MCTP2: variants seen among roughly 807,000 people sequenced by gnomAD.
MCTP2 encodes the protein multiple C2 and transmembrane domain containing 2, also known as multiple C2 and transmembrane domain-containing protein 2.
Under a neutral mutation model 111.6 loss-of-function variants are expected in MCTP2, and 132 were observed. The ratio of observed to expected loss-of-function variants is 1.18; its 90% CI spans 1.03 to 1.37. The LOEUF (loss-of-function observed/expected upper bound fraction) is 1.37, where lower values mean the gene tolerates loss of function less well. MCTP2 is among the 40% of genes most tolerant of loss of function. The probability of loss-of-function intolerance (pLI) is 0.00; values close to 1 mark genes in which losing one functional copy is unlikely to be tolerated. For synonymous variants in MCTP2, 395 were observed against 387.7 expected (o/e 1.02, Z -0.22); for missense variants, 1,183 against 1,067.9 (o/e 1.11, Z -1.50).
intron 1 of MCTP2, among the ~76,000 whole-genome samples, chr15:94,246,761 G>T (rs1185966508): frequency 6.6e-6 from 1 of 152,198 alleles, no homozygotes; most frequent in Non-Finnish European, 1.5e-5. Context: ...AATTTAAGCT[G>T]TCACATGATA....
intron 1 of MCTP2, among the ~76,000 whole-genome samples, chr15:94,235,912 C>T (rs1035617043): frequency 6.6e-5 from 10 of 152,152 alleles, no homozygotes; most frequent in African/African-American, 2.4e-4. Flanking sequence ...GTTTAACAAT[C>T]GTAGTCATTT....
chr15:94,337,491 C>T (rs78731549), intron 4 of MCTP2, among the ~76,000 whole-genome samples: 3 of 151,666 alleles, frequency 2.0e-5, no homozygotes, highest in Admixed American at 6.6e-5. Flanking sequence ...ATAGTTTTCC[C>T]CCACTTTTTT....
chr15:94,423,951 T>G (rs2082749929), intron 17 of MCTP2, among the ~76,000 whole-genome samples: 1 of 152,196 alleles, frequency 6.6e-6, no homozygotes, highest in South Asian at 2.1e-4. Flanking sequence ...AACTGAACAT[T>G]TTTTGAAGTT....
At chr15:94,454,613 A>G (rs116428034) in intron 19 of MCTP2, among the ~76,000 whole-genome samples, 3 of 146,034 alleles carry the variant, frequency 2.1e-5, no homozygotes, top group African/African-American at 7.7e-5. Context: ...AAAAAAAAAA[A>G]CCCTAAATTA....
intron 1 of MCTP2, among the ~76,000 whole-genome samples, chr15:94,259,763 AT>A (rs1448373784): frequency 6.6e-6 from 1 of 152,196 alleles, no homozygotes; most frequent in Admixed American, 6.5e-5. Context: ...CTGTATGATC[AT>A]TTGGTGAAGG....
intron 12 of MCTP2, among the ~76,000 whole-genome samples, chr15:94,377,839 G>T (rs1049068380): frequency 9.9e-5 from 15 of 152,106 alleles, no homozygotes; most frequent in Non-Finnish European, 7.4e-5. Flanking sequence ...ATAGAGACAT[G>T]AGAGAGAGTT....
chr15:94,473,006 AT>A (rs1567789530), intron 21 of MCTP2, among the ~76,000 whole-genome samples: 1 of 152,086 alleles, frequency 6.6e-6, no homozygotes, highest in Non-Finnish European at 1.5e-5. Flanking sequence ...TTACTTATTC[AT>A]TTTTTATTGA....
At chr15:94,407,799 A>G (rs1341022552) in intron 17 of MCTP2, among the ~76,000 whole-genome samples, 1 of 151,648 alleles carries the variant, frequency 6.6e-6, no homozygotes, top group Non-Finnish European at 1.5e-5. Flanking sequence ...ACACACACAC[A>G]CACACACACA....
intron 1 of MCTP2, among the ~76,000 whole-genome samples, chr15:94,241,893 A>C (rs1398612631): frequency 6.6e-6 from 1 of 152,158 alleles, no homozygotes; most frequent in East Asian, 1.9e-4. Flanking sequence ...AATATTAAAG[A>C]GACTTTGAAT....
intron 17 of MCTP2, among the ~76,000 whole-genome samples, chr15:94,416,669 G>A (rs1312946109): frequency 1.3e-5 from 2 of 152,140 alleles, no homozygotes; most frequent in East Asian, 1.9e-4. Context: ...ACTTGCGATG[G>A]CTTTAGTGCC....
intron 2 of MCTP2, among the ~76,000 whole-genome samples, chr15:94,307,694 G>T (rs527860514): frequency 4.0e-4 from 61 of 152,328 alleles, no homozygotes; most frequent in African/African-American, 1.3e-3. Context: ...TGTGTCTGCT[G>T]TAGACACTGG....
chr15:94,468,879 C>T (rs751631446), intron 20 of MCTP2, among the ~76,000 whole-genome samples: 15 of 152,142 alleles, frequency 9.9e-5, no homozygotes, highest in Non-Finnish European at 1.5e-4. Context: ...CTGCCCACCT[C>T]GGCCTCCCAA....
intron 10 of MCTP2, among the ~76,000 whole-genome samples, chr15:94,364,067 T>A (rs1034807018): frequency 5.4e-5 from 8 of 147,570 alleles, no homozygotes; most frequent in Non-Finnish European, 1.2e-4. Flanking sequence ...AAATTTACAT[T>A]AAAAAAAAAA....
intron 2 of MCTP2, among the ~76,000 whole-genome samples, chr15:94,310,139 A>G (rs2076059733): frequency 6.6e-6 from 1 of 152,246 alleles, no homozygotes; most frequent in Non-Finnish European, 1.5e-5. Flanking sequence ...ACTCAGCAAT[A>G]AAAAAGAATG....
At chr15:94,447,801 C>G (rs1469126561) in intron 19 of MCTP2, among the ~76,000 whole-genome samples, 2 of 152,124 alleles carry the variant, frequency 1.3e-5, no homozygotes. Flanking sequence ...AATAAAAAGC[C>G]AGAGAGTATC....
chr15:94,473,268 C>G (rs1275509466), intron 21 of MCTP2, among the ~76,000 whole-genome samples: 1 of 152,064 alleles, frequency 6.6e-6, no homozygotes, highest in Non-Finnish European at 1.5e-5. Flanking sequence ...CCCTATAATT[C>G]TTAGTGCAGC....
chr15:94,305,533 G>A (rs1325401634), intron 2 of MCTP2, among the ~76,000 whole-genome samples: 1 of 152,170 alleles, frequency 6.6e-6, no homozygotes. Flanking sequence ...TTTTATAGGT[G>A]TGTGTGTATA....
intron 17 of MCTP2, among the ~76,000 whole-genome samples, chr15:94,421,945 A>T (rs1208066266): frequency 6.6e-6 from 1 of 152,142 alleles, no homozygotes; most frequent in Non-Finnish European, 1.5e-5. Context: ...AAGGATAAGG[A>T]TTTCTAAAGC....
At position 94,481,867 on chromosome 15, in the gene MCTP2, A is replaced by G. The variant is rs1465389974; in HGVS notation, c.*2833A>G. On this transcript the variant is annotated 3_prime_UTR_variant, in exon 23 of 23. Coordinates refer to ENST00000357742, the MANE Select transcript of MCTP2 (RefSeq NM_001385001.1). ...CTCTGCCTTTTCATGTGCTGCTTTC[A>G]GAACAGAGGGCTGGATTGGATAGAT... 1 of 152,242 alleles carries G rather than the reference A, an allele frequency of 6.6e-6. No homozygotes were observed. The highest frequency in any genetic ancestry group is 1.5e-5 in the Non-Finnish European group (1 of 68,058). The allele number at this position is 152,242 out of a possible 1,614,324, so 9.4% of individuals were successfully genotyped here. A position where few individuals can be genotyped will look rare whatever the true frequency, so the allele number is the denominator to read the frequency against.
Sources: gnomAD v4.1 joint callset for allele counts (sites outside exome capture counted in the v4.1 genomes callset) on GRCh38, gnomAD v4.1.1 for gene constraint, MANE v1.5 for transcripts, NCBI Gene and HGNC (gene_info 2026-07-23, HGNC 2026-07-21) for gene names.